Variants in ROBO2 observed in about 807,000 individuals in gnomAD.
The protein encoded by ROBO2 is roundabout homolog 2.
Under a neutral mutation model 160.8 loss-of-function variants are expected in ROBO2, and 53 were observed. That is an observed-to-expected ratio of 0.33 (90% confidence interval 0.26 to 0.41). The LOEUF is 0.41. Among genes scored for constraint, ROBO2 ranks in the 10% least tolerant of loss-of-function variants. The probability of loss-of-function intolerance (pLI) is 1.00; values close to 1 mark genes in which losing one functional copy is unlikely to be tolerated. For missense variants in ROBO2, 1,577 were observed against 1,722.4 expected (o/e 0.92, Z 1.49); for synonymous variants, 664 against 611.7 (o/e 1.09, Z -1.26).
intron 2 of ROBO2, among the ~76,000 whole-genome samples, chr3:76,610,650 G>A (rs889307231): frequency 2.1e-5 from 3 of 141,120 alleles, no homozygotes; most frequent in East Asian, 2.2e-4. Flanking sequence ...GCAGGAGCAC[G>A]TTCAGCTCTT....
intron 2 of ROBO2, among the ~76,000 whole-genome samples, chr3:76,906,158 A>G (rs1243014411): frequency 1.3e-5 from 2 of 152,132 alleles, no homozygotes; most frequent in Admixed American, 1.3e-4. Flanking sequence ...AATAATTCTC[A>G]TGTCAAAAAC....
intron 2 of ROBO2, among the ~76,000 whole-genome samples, chr3:76,513,157 T>A (rs1263138810): frequency 6.6e-6 from 1 of 152,152 alleles, no homozygotes; most frequent in East Asian, 1.9e-4. Context: ...TAATTCCTTA[T>A]AAGCCATTGT....
intron 2 of ROBO2, among the ~76,000 whole-genome samples, chr3:77,476,600 G>T (rs887783256): frequency 1.3e-5 from 2 of 152,112 alleles, no homozygotes; most frequent in Non-Finnish European, 2.9e-5. Flanking sequence ...AATGCAGTCC[G>T]ATAGGGCTGA....
chr3:76,588,905 G>A (rs1458517372), intron 2 of ROBO2, among the ~76,000 whole-genome samples: 4 of 152,134 alleles, frequency 2.6e-5, no homozygotes, highest in Non-Finnish European at 4.4e-5. Flanking sequence ...AGCATAAACC[G>A]AATGAAACTG....
chr3:77,097,005 A>G (rs755618259), intron 1 of ROBO2, among the ~76,000 whole-genome samples: 3 of 152,300 alleles, frequency 2.0e-5, no homozygotes, highest in South Asian at 2.1e-4. Context: ...TCCCTTATTG[A>G]TAATACAGAC....
At chr3:76,602,359 C>T (rs1337779451) in intron 2 of ROBO2, among the ~76,000 whole-genome samples, 1 of 152,148 alleles carries the variant, frequency 6.6e-6, no homozygotes, top group East Asian at 1.9e-4. Context: ...TTCAGCAAGA[C>T]CCCACTCTAC....
chr3:76,084,059 T>G (rs780994109), intron 2 of ROBO2, among the ~76,000 whole-genome samples: 1 of 152,150 alleles, frequency 6.6e-6, no homozygotes, highest in Non-Finnish European at 1.5e-5. Context: ...ACCAATGATA[T>G]GTAGGAATTA....
intron 6 of ROBO2, among the ~76,000 whole-genome samples, chr3:77,537,106 G>A: frequency 7.0e-6 from 1 of 142,610 alleles, no homozygotes; most frequent in Non-Finnish European, 1.5e-5. Flanking sequence ...TTGTGGGGGG[G>A]GGGTGTATTA....
At chr3:76,824,973 T>C (rs746189495) in intron 2 of ROBO2, among the ~76,000 whole-genome samples, 1 of 152,154 alleles carries the variant, frequency 6.6e-6, no homozygotes, top group Non-Finnish European at 1.5e-5. Context: ...AATTTCCAGC[T>C]TAGGAGCTCA....
intron 2 of ROBO2, among the ~76,000 whole-genome samples, chr3:77,294,578 C>T (rs1390487624): frequency 4.2e-5 from 6 of 143,574 alleles, no homozygotes; most frequent in Admixed American, 6.8e-5. Context: ...GACGGTTAAA[C>T]AGGTAAGCTG....
intron 2 of ROBO2, among the ~76,000 whole-genome samples, chr3:77,424,252 G>A (rs141667420): frequency 2.0e-3 from 308 of 152,258 alleles, no homozygotes; most frequent in African/African-American, 7.1e-3. Flanking sequence ...TTAAAGGACG[G>A]GTAGAATTTG....
intron 2 of ROBO2, among the ~76,000 whole-genome samples, chr3:76,519,609 T>C (rs2081499872): frequency 1.3e-5 from 2 of 152,136 alleles, no homozygotes; most frequent in Admixed American, 6.5e-5. Flanking sequence ...ATCTCCCAGA[T>C]TTTACGCTTC....
At chr3:76,765,767 G>A (rs181013093) in intron 2 of ROBO2, among the ~76,000 whole-genome samples, 5 of 151,616 alleles carry the variant, frequency 3.3e-5, no homozygotes, top group South Asian at 2.1e-4. Context: ...ATCAGCTGAC[G>A]TCTGATTACT....
At chr3:76,012,372 T>A (rs1288229560) in intron 2 of ROBO2, among the ~76,000 whole-genome samples, 2 of 152,220 alleles carry the variant, frequency 1.3e-5, no homozygotes, top group Non-Finnish European at 2.9e-5. Context: ...ATTTTATACA[T>A]CTGTCCCTAC....
intron 2 of ROBO2, among the ~76,000 whole-genome samples, chr3:77,423,921 G>A (rs879812400): frequency 6.6e-6 from 1 of 152,066 alleles, no homozygotes; most frequent in East Asian, 1.9e-4. Context: ...GGTAAATTCA[G>A]TGCTGACTGA....
intron 2 of ROBO2, among the ~76,000 whole-genome samples, chr3:76,991,340 A>C (rs1179521096): frequency 1.3e-5 from 2 of 152,208 alleles, no homozygotes; most frequent in Non-Finnish European, 2.9e-5. Flanking sequence ...CAACATTCTA[A>C]ACTACTAAAT....
intron 2 of ROBO2, chr3:77,316,838 T>G (rs1313265131): frequency 1.6e-6 from 2 of 1,265,738 alleles, no homozygotes; most frequent in Non-Finnish European, 2.3e-6. Flanking sequence ...AGTGTCAGTT[T>G]GATACCTGGC....
At chr3:77,374,645 G>T (rs1180430373) in intron 2 of ROBO2, among the ~76,000 whole-genome samples, 2 of 151,876 alleles carry the variant, frequency 1.3e-5, no homozygotes, top group Non-Finnish European at 2.9e-5. Context: ...TCTTAATTTG[G>T]TCTAAGTGCT....
intron 2 of ROBO2, among the ~76,000 whole-genome samples, chr3:76,895,360 A>G (rs553525696): frequency 2.0e-5 from 3 of 152,230 alleles, no homozygotes; most frequent in Non-Finnish European, 4.4e-5. Flanking sequence ...TCAAATAAAT[A>G]AAATTTGTGA....
Sources: allele counts gnomAD v4.1 joint callset (sites outside exome capture counted in the v4.1 genomes callset), GRCh38; gene constraint gnomAD v4.1.1; transcripts MANE v1.5; gene names NCBI Gene and HGNC (gene_info 2026-07-23, HGNC 2026-07-21).